Variants in MAD1L1 observed in about 807,000 individuals in gnomAD.
MAD1L1 encodes the protein mitotic spindle assembly checkpoint protein MAD1.
Under a neutral mutation model 96.9 loss-of-function variants are expected in MAD1L1, and 95 were observed. That is an observed-to-expected ratio of 0.98 (90% CI 0.83 to 1.16). The LOEUF (loss-of-function observed/expected upper bound fraction) is 1.16, where lower values mean the gene tolerates loss of function less well. Ranked by LOEUF, MAD1L1 falls within the 50% of genes most tolerant of loss-of-function variation. MAD1L1 has a pLI of 0.00. For synonymous variants in MAD1L1, 473 were observed against 396.6 expected (o/e 1.19, Z -2.29); for missense variants, 1,007 against 954.4 (o/e 1.06, Z -0.73).
At chr7:2,051,636 TCCCCCACC>T (rs1784177037) in intron 12 of MAD1L1, among the ~76,000 whole-genome samples, 1 of 82,140 alleles carries the variant, frequency 1.2e-5, no homozygotes, top group Admixed American at 1.3e-4. Flanking sequence ...GTCCCCCACC[TCCCCCACC>T]CCCCCACCAG....
intron 11 of MAD1L1, among the ~76,000 whole-genome samples, chr7:2,069,873 G>A (rs1003789034): frequency 8.5e-5 from 13 of 152,216 alleles, no homozygotes; most frequent in East Asian, 3.9e-4. Context: ...CCGCCCCTTC[G>A]GGTGGCTGAT....
chr7:2,114,671 T>C lies in MAD1L1; in HGVS notation c.1073+34481A>G, dbSNP rs928580897. Among the ~76,000 whole-genome samples, 3 of 152,214 alleles carry C rather than the reference T, an allele frequency of 2.0e-5. No individual in the cohort carries two copies. The highest frequency in any genetic ancestry group is 7.2e-5 in the African/African-American group (3 of 41,454). ...CACAGCCTGTTTTTGTAAACAACTT[T>C]TGTTTTTTTAACAAAGTTTTGATGG... On this transcript the variant is annotated intron_variant, in intron 11 of 18. Coordinates refer to ENST00000265854, the MANE Select transcript of MAD1L1 (RefSeq NM_001013836.2). This position sits in a 1 kb window ranked among gnomAD's most constrained non-coding sequence, Gnocchi z 4.2.
At chr7:2,137,928 C>T (rs1223622675) in intron 11 of MAD1L1, among the ~76,000 whole-genome samples, 2 of 152,220 alleles carry the variant, frequency 1.3e-5, no homozygotes, top group Non-Finnish European at 2.9e-5. Context: ...TCTGTGCCGA[C>T]GGTGCCATGT....
chr7:1,915,656 C>G (rs935814501), intron 17 of MAD1L1, among the ~76,000 whole-genome samples: 1 of 152,176 alleles, frequency 6.6e-6, no homozygotes, highest in African/African-American at 2.4e-5. Context: ...ACAGCCAGGA[C>G]GAAATGTTCA....
At chr7:1,929,006 C>T (rs779673089) in intron 17 of MAD1L1, among the ~76,000 whole-genome samples, 9 of 152,288 alleles carry the variant, frequency 5.9e-5, no homozygotes, top group Admixed American at 2.0e-4. Context: ...GTGCACAGGA[C>T]GCAACAGAAA....
At chr7:1,850,589 G>A (rs989217066) in intron 18 of MAD1L1, among the ~76,000 whole-genome samples, 2 of 152,186 alleles carry the variant, frequency 1.3e-5, no homozygotes, top group Admixed American at 6.5e-5. Context: ...CAGGTGACTC[G>A]GCAGAGCCGG....
At chr7:2,021,158 A>AT (rs1782772231) in intron 12 of MAD1L1, among the ~76,000 whole-genome samples, 1 of 152,214 alleles carries the variant, frequency 6.6e-6, no homozygotes, top group African/African-American at 2.4e-5. Context: ...GAACACAGTA[A>AT]GTATCTGCCG....
intron 14 of MAD1L1, among the ~76,000 whole-genome samples, chr7:1,982,357 C>T (rs112625437): frequency 5.9e-5 from 9 of 151,940 alleles, no homozygotes; most frequent in African/African-American, 1.5e-4. Flanking sequence ...TACAGGTGCA[C>T]GCCATCAAGC....
chr7:2,189,851 A>C (rs534973259), intron 10 of MAD1L1, among the ~76,000 whole-genome samples: 5 of 152,338 alleles, frequency 3.3e-5, no homozygotes, highest in African/African-American at 1.2e-4. Flanking sequence ...CATCCTCCTC[A>C]ACCTGATGAA....
intron 12 of MAD1L1, among the ~76,000 whole-genome samples, chr7:2,044,108 C>T (rs1250720531): frequency 2.6e-5 from 4 of 152,164 alleles, no homozygotes; most frequent in Non-Finnish European, 2.9e-5. Context: ...CACAATGCGC[C>T]GCAGGAAGGG....
At chr7:2,113,806 C>T (rs973986978) in intron 11 of MAD1L1, among the ~76,000 whole-genome samples, 1 of 152,212 alleles carries the variant, frequency 6.6e-6, no homozygotes, top group African/African-American at 2.4e-5. Context: ...AAATGCATAG[C>T]TTCAACCTAA....
chr7:1,927,447 T>A (rs1789154743), intron 17 of MAD1L1, among the ~76,000 whole-genome samples: 1 of 152,164 alleles, frequency 6.6e-6, no homozygotes, highest in African/African-American at 2.4e-5. Flanking sequence ...GAAGCTACAG[T>A]AATCAATACC....
intron 10 of MAD1L1, among the ~76,000 whole-genome samples, chr7:2,159,932 C>G (rs923034217): frequency 2.0e-5 from 3 of 152,132 alleles, no homozygotes; most frequent in South Asian, 2.1e-4. Flanking sequence ...TTCATTTTTG[C>G]ACAAAAGAAG....
intron 10 of MAD1L1, among the ~76,000 whole-genome samples, chr7:2,196,968 G>A (rs548233115): frequency 4.6e-5 from 7 of 152,332 alleles, no homozygotes; most frequent in South Asian, 2.1e-4. Flanking sequence ...CTGCCAAGGC[G>A]CCAGGTCCTC....
intron 18 of MAD1L1, among the ~76,000 whole-genome samples, chr7:1,857,369 G>A (rs1424367209): frequency 6.6e-6 from 1 of 152,162 alleles, no homozygotes; most frequent in African/African-American, 2.4e-5. Flanking sequence ...GCCTGCCGGT[G>A]TCCTGGTCAT....
rs375398179 is a variant in MAD1L1, at chr7:1,873,503, C to T, written c.1998+24697G>A. On this transcript the variant is annotated intron_variant, in intron 18 of 18. Coordinates refer to ENST00000265854, the MANE Select transcript of MAD1L1 (RefSeq NM_001013836.2). The stretch of plus-strand genomic sequence containing the variant: ...AGAGCTAGTAGGAGCACGGCACGGC[C>T]GGGGCTGGACAGTGCTGAGGGGTAC... Among the ~76,000 whole-genome samples the T allele has an allele frequency of 2.0e-3, 299 of 146,556 alleles. 1 individual carries two copies. Among genetic ancestry groups the T allele is most frequent in the African/African-American group, 7.0e-3 (271 of 38,962 alleles).
chr7:1,962,851 G>T (rs1780007792), intron 15 of MAD1L1, among the ~76,000 whole-genome samples: 1 of 152,232 alleles, frequency 6.6e-6, no homozygotes, highest in African/African-American at 2.4e-5. Flanking sequence ...GGAGGCTGGG[G>T]TGGGAGGATC....
chr7:2,168,146 G>A lies in MAD1L1; in HGVS notation c.987-18908C>T, dbSNP rs538614838. ...CTAAAAATACAAAAATTAGCCAGGCGTGGTGGTGGGTGCCTGTAGTCCCAG... is the reference window on the plus strand; with the variant it reads ...CTAAAAATACAAAAATTAGCCAGGCATGGTGGTGGGTGCCTGTAGTCCCAG... On this transcript the variant is annotated intron_variant, in intron 10 of 18. Transcript: ENST00000265854. Among the ~76,000 whole-genome samples the A allele has an allele frequency of 3.3e-5, 5 of 152,098 alleles. No homozygotes were observed. In the South Asian group the frequency reaches 6.2e-4, roughly 19 times the overall value.
At chr7:2,199,077 G>GT (rs1473716220) in intron 10 of MAD1L1, among the ~76,000 whole-genome samples, 2 of 152,228 alleles carry the variant, frequency 1.3e-5, no homozygotes, top group Non-Finnish European at 2.9e-5. Context: ...ACTGGGGCCT[G>GT]TATGATGCCA....
Sources: gnomAD v4.1 joint callset for allele counts (sites outside exome capture counted in the v4.1 genomes callset) on GRCh38, gnomAD v4.1.1 for gene constraint, Gnocchi (gnomAD v3.1) non-coding constraint, MANE v1.5 for transcripts, NCBI Gene and HGNC (gene_info 2026-07-23, HGNC 2026-07-21) for gene names.